METTL25: variants seen among roughly 807,000 people sequenced by gnomAD.
The protein encoded by METTL25 is methyltransferase like 25, also known as probable methyltransferase-like protein 25.
METTL25 carries 64 observed loss-of-function variants against 71.6 expected under a neutral mutation model. That is an observed-to-expected ratio of 0.89 (90% CI 0.73 to 1.10). The LOEUF (loss-of-function observed/expected upper bound fraction) is 1.10, where lower values mean the gene tolerates loss of function less well. Ranked by LOEUF, METTL25 falls within the 50% of genes least tolerant of loss-of-function variation. The probability of loss-of-function intolerance (pLI) is 0.00; values close to 1 mark genes in which losing one functional copy is unlikely to be tolerated. For missense variants in METTL25, 807 were observed against 707.0 expected (o/e 1.14, Z -1.60); for synonymous variants, 287 against 250.3 (o/e 1.15, Z -1.38).
At chr12:82,401,712 C>T (rs1342425842) in intron 4 of METTL25, among the ~76,000 whole-genome samples, 1 of 151,910 alleles carries the variant, frequency 6.6e-6, no homozygotes, top group East Asian at 1.9e-4. Context: ...AAAGTACCAA[C>T]TAAAATTAGT....
intron 1 of METTL25, among the ~76,000 whole-genome samples, chr12:82,366,888 A>G (rs537102194): frequency 1.3e-5 from 2 of 152,306 alleles, no homozygotes; most frequent in Admixed American, 6.5e-5. Context: ...ATAATATTAC[A>G]TTATAACAAG....
chr12:82,431,437 G>A (rs1172333521), intron 6 of METTL25, among the ~76,000 whole-genome samples: 1 of 151,582 alleles, frequency 6.6e-6, no homozygotes, highest in African/African-American at 2.4e-5. Context: ...CACTATGTCA[G>A]TTTACAAAGA....
At chr12:82,411,983 G>C (rs562453511) in intron 5 of METTL25, among the ~76,000 whole-genome samples, 3 of 151,804 alleles carry the variant, frequency 2.0e-5, no homozygotes, top group African/African-American at 7.3e-5. Flanking sequence ...TCTTCCAAAC[G>C]TGCGATCTTT....
chr12:82,397,024 AT>A (rs1228880017), intron 3 of METTL25, among the ~76,000 whole-genome samples: 1 of 151,838 alleles, frequency 6.6e-6, no homozygotes, highest in East Asian at 1.9e-4. Flanking sequence ...AGTTGTTTCT[AT>A]TTTTTGCCTA....
chr12:82,406,029 A>G (rs1478997058), intron 5 of METTL25, among the ~76,000 whole-genome samples: 2 of 152,188 alleles, frequency 1.3e-5, no homozygotes, highest in Non-Finnish European at 2.9e-5. Context: ...TTGGTACTTT[A>G]TGTAAAATAA....
At chr12:82,365,592 C>T (rs1032026946) in intron 1 of METTL25, among the ~76,000 whole-genome samples, 1 of 152,156 alleles carries the variant, frequency 6.6e-6, no homozygotes, top group Non-Finnish European at 1.5e-5. Flanking sequence ...AAGTGTAAAT[C>T]TGTAACATTC....
intron 5 of METTL25, among the ~76,000 whole-genome samples, chr12:82,408,421 A>G (rs1005500255): frequency 5.4e-4 from 82 of 152,164 alleles, no homozygotes; most frequent in African/African-American, 1.9e-3. Context: ...GGGGAAAAAA[A>G]CACAGATGCA....
intron 8 of METTL25, among the ~76,000 whole-genome samples, chr12:82,447,142 G>GA (rs937286020): frequency 6.5e-4 from 98 of 150,674 alleles, no homozygotes; most frequent in African/African-American, 1.8e-3. Context: ...AATTGAGACT[G>GA]AAAAAAAACC....
intron 9 of METTL25, among the ~76,000 whole-genome samples, chr12:82,468,093 C>A (rs11831126): frequency 3.3e-5 from 5 of 151,888 alleles, no homozygotes; most frequent in African/African-American, 1.2e-4. Flanking sequence ...TTCTCAAAGT[C>A]TGTATGATTT....
At chr12:82,367,483 C>T (rs1882697241) in intron 1 of METTL25, among the ~76,000 whole-genome samples, 2 of 152,146 alleles carry the variant, frequency 1.3e-5, no homozygotes, top group Non-Finnish European at 2.9e-5. Context: ...TATTATTCTT[C>T]CTGTTACCTC....
In METTL25 at chr12:82,399,073, A is replaced by T. The variant is rs2137004324; in HGVS notation, c.810A>T (p.Glu270Asp). Residue 270 changes from glutamate to aspartate, a missense_variant, in exon 4 of 12, where the codon GAA becomes GAT. By Grantham distance (45) the Glu-to-Asp change is conservative (BLOSUM62 2). Coordinates refer to ENST00000248306, the MANE Select transcript of METTL25 (RefSeq NM_032230.3). ...TTAACAACAGTCCTACAAATCAAGA[A>T]AAGATGCCTACCTCAGCTATTTTGC... ...EVFNNSPTNQ[E>D]KMPTSAILPD... is the part of the protein sequence containing the mutation. 6.2e-7 allele frequency: 1 copy of T among 1,613,278 alleles called. No individual in the cohort carries two copies. Among genetic ancestry groups the T allele is most frequent in the South Asian group, 1.1e-5 (1 of 91,048 alleles).
rs181973983 is a variant in METTL25, at chr12:82,397,045, G to A, written c.532-1750G>A. 2.6e-5 allele frequency among the ~76,000 whole-genome samples: 4 copies of A among 152,122 alleles called. No individual in the cohort carries two copies. The East Asian group carries it at 7.7e-4, about 29-fold the overall frequency. On this transcript the variant is annotated intron_variant, in intron 3 of 11. Transcript: ENST00000248306. Reference sequence around the variant, plus strand: ...TTCTATTTTTTGCCTACTATTCAGAGTAAGACTTCTCTGAATATTCACATA... The same window carrying A: ...TTCTATTTTTTGCCTACTATTCAGAATAAGACTTCTCTGAATATTCACATA...
At chr12:82,387,735 T>A (rs1371202257) in intron 2 of METTL25, among the ~76,000 whole-genome samples, 1 of 123,938 alleles carries the variant, frequency 8.1e-6, no homozygotes, top group East Asian at 2.6e-4. Context: ...ACACACACTC[T>A]TTTTCTGAAT....
chr12:82,435,938 C>T (rs1182313410), intron 7 of METTL25, among the ~76,000 whole-genome samples: 2 of 151,332 alleles, frequency 1.3e-5, no homozygotes, highest in Non-Finnish European at 3.0e-5. Flanking sequence ...AGTATGTACT[C>T]TTACTATCCC....
chr12:82,365,151 A>G (rs1882419332), intron 1 of METTL25, among the ~76,000 whole-genome samples: 2 of 152,326 alleles, frequency 1.3e-5, no homozygotes, highest in Admixed American at 1.3e-4. Context: ...GCACATACCT[A>G]GTACTCAACT....
chr12:82,408,412 G>A (rs1293943604), intron 5 of METTL25, among the ~76,000 whole-genome samples: 2 of 151,750 alleles, frequency 1.3e-5, no homozygotes, highest in Non-Finnish European at 2.9e-5. Flanking sequence ...CAAAAACCTG[G>A]GGAAAAAAAC....
intron 9 of METTL25, among the ~76,000 whole-genome samples, chr12:82,460,947 T>C (rs2731293): frequency 0.068 from 10,418 of 152,168 alleles, 480 homozygotes; most frequent in Non-Finnish European, 0.098. Context: ...ATGGAGACCA[T>C]CCTGGCTAAC....
chr12:82,421,640 G>C (rs1888504166), intron 5 of METTL25, among the ~76,000 whole-genome samples: 1 of 152,152 alleles, frequency 6.6e-6, no homozygotes, highest in East Asian at 1.9e-4. Context: ...AAAATTGATA[G>C]ACCACTAGCA....
chr12:82,404,237 T>C (rs954545286), intron 5 of METTL25, among the ~76,000 whole-genome samples: 15 of 151,982 alleles, frequency 9.9e-5, no homozygotes, highest in African/African-American at 2.7e-4. Context: ...GAAAGCAAAT[T>C]AGCAAAAATT....
Sources: allele counts gnomAD v4.1 joint callset (sites outside exome capture counted in the v4.1 genomes callset), GRCh38; gene constraint gnomAD v4.1.1; transcripts MANE v1.5; gene names NCBI Gene and HGNC (gene_info 2026-07-23, HGNC 2026-07-21).